The following COLGALT2 variants were observed in gnomAD, a reference collection of about 807,000 sequenced individuals.
COLGALT2 encodes collagen beta(1-O)galactosyltransferase 2, also known as procollagen galactosyltransferase 2.
Under a neutral mutation model 73.4 loss-of-function variants are expected in COLGALT2, and 49 were observed. The observed-to-expected ratio is 0.67, with a 90% CI of 0.53 to 0.85. The LOEUF is 0.85. Among genes scored for constraint, COLGALT2 ranks in the 40% least tolerant of loss-of-function variants. The pLI, the probability that COLGALT2 is intolerant of heterozygous loss-of-function variation, is 0.00. For missense variants in COLGALT2, 722 were observed against 790.2 expected, an observed-to-expected ratio of 0.91 and a Z score of 1.03; for synonymous variants, 295 against 307.6, an observed-to-expected ratio of 0.96 and a Z score of 0.43.
chr1:184,024,360 C>CT (rs58405733), intron 1 of COLGALT2, among the ~76,000 whole-genome samples: 2,975 of 143,890 alleles, frequency 0.021, 64 homozygotes, highest in Admixed American at 0.051. Context: ...TTTTCTTTTT[C>CT]TTTTTTTTTT....
intron 1 of COLGALT2, among the ~76,000 whole-genome samples, chr1:184,024,913 A>G (rs1649287765): frequency 6.6e-6 from 1 of 152,206 alleles, no homozygotes; most frequent in Non-Finnish European, 1.5e-5. Flanking sequence ...CAAGAAGATT[A>G]TCAGTAGCAA....
chr1:183,971,878 A>G (rs942257968), intron 4 of COLGALT2, among the ~76,000 whole-genome samples: 1 of 152,218 alleles, frequency 6.6e-6, no homozygotes, highest in African/African-American at 2.4e-5. Context: ...TCAAGTGGCT[A>G]TACTGCAGTT....
chr1:183,973,167 C>T (rs1391099527), intron 4 of COLGALT2, among the ~76,000 whole-genome samples: 1 of 152,126 alleles, frequency 6.6e-6, no homozygotes, highest in Non-Finnish European at 1.5e-5. Flanking sequence ...TGGAACATAG[C>T]CACTTGATGA....
In COLGALT2 at chr1:183,937,725, C is replaced by T. The variant is rs1308811770; in HGVS notation, c.*1036G>A. The T allele has an allele frequency of 1.0e-6, 1 of 985,326 alleles. No individual in the cohort carries two copies. The highest frequency in any genetic ancestry group is 1.2e-6 in the Non-Finnish European group (1 of 829,946). 61.0% of individuals were successfully genotyped at this position (985,326 alleles called of 1,614,324 possible). A position where few individuals can be genotyped will look rare whatever the true frequency, so the allele number is the denominator to read the frequency against. ...AAGTCTGCAACATCTGTTTCTCTGC[C>T]TTATCCTAAAGACAATATCTTCGCC... On this transcript the variant is annotated 3_prime_UTR_variant, in exon 12 of 12. Coordinates refer to ENST00000361927, the MANE Select transcript of COLGALT2 (RefSeq NM_015101.4).
Position 183,994,412 on chromosome 1 carries a change from C to T in COLGALT2, c.264-15892G>A, listed in dbSNP as rs576914486. Among the ~76,000 whole-genome samples the T allele has an allele frequency of 1.8e-3, 280 of 151,798 alleles. 1 individual carries two copies. Among genetic ancestry groups the T allele is most frequent in the African/African-American group, 6.2e-3 (257 of 41,398 alleles). On this transcript the variant is annotated intron_variant, in intron 1 of 11. Transcript: ENST00000361927. ...TATGGATGAGAAAATAGTTACAAAG[C>T]TAGTAAGTAATGGATCCACGATTCA...
chr1:183,933,044 TTTCAC>T (rs1180897590), downstream of COLGALT2, among the ~76,000 whole-genome samples: 2 of 152,168 alleles, frequency 1.3e-5, no homozygotes, highest in African/African-American at 4.8e-5. Context: ...GCACTGGACA[TTTCAC>T]TTGTTCCTGT....
intron 7 of COLGALT2, 100 bp from the exon 8 acceptor site, chr1:183,951,213 G>A: frequency 1.3e-6 from 1 of 768,438 alleles, no homozygotes; most frequent in Non-Finnish European, 2.3e-6. Context: ...AAGAAGGAGT[G>A]GAAAAGATAG....
At chr1:183,970,240 C>T (rs1448506583) in intron 4 of COLGALT2, among the ~76,000 whole-genome samples, 3 of 152,194 alleles carry the variant, frequency 2.0e-5, no homozygotes, top group Non-Finnish European at 2.9e-5. Flanking sequence ...TATTCCAAAG[C>T]TTGAATCATT....
chr1:183,940,541 G>C (rs1670078314), intron 11 of COLGALT2, 40 bp downstream of exon 11: 3 of 1,549,690 alleles, frequency 1.9e-6, no homozygotes, highest in Non-Finnish European at 2.7e-6. Flanking sequence ...TCATGAAGAG[G>C]CTGTGCCCAA....
chr1:183,932,268 A>G (rs1669863737), downstream of COLGALT2, among the ~76,000 whole-genome samples: 1 of 152,202 alleles, frequency 6.6e-6, no homozygotes, highest in South Asian at 2.1e-4. Flanking sequence ...ACCTTAGGCA[A>G]GTTGCTTCCC....
intron 1 of COLGALT2, among the ~76,000 whole-genome samples, chr1:184,004,360 G>T (rs1429878600): frequency 1.3e-5 from 2 of 152,106 alleles, no homozygotes; most frequent in Non-Finnish European, 2.9e-5. Context: ...GAAGTTAATA[G>T]AAAAAGTAGG....
chr1:183,951,172 G>T, intron 7 of COLGALT2, 59 bp from the exon 8 acceptor site: 1 of 1,220,778 alleles, frequency 8.2e-7, no homozygotes, highest in Non-Finnish European at 1.2e-6. Flanking sequence ...CTTTTAGGCT[G>T]TTTGAAAAGT....
At chr1:183,996,150 A>C (rs1259317893) in intron 1 of COLGALT2, among the ~76,000 whole-genome samples, 1 of 152,188 alleles carries the variant, frequency 6.6e-6, no homozygotes, top group East Asian at 1.9e-4. Flanking sequence ...TAGGAAATAA[A>C]CAGCTCTGCA....
intron 1 of COLGALT2, among the ~76,000 whole-genome samples, chr1:184,035,990 C>G (rs902329710): frequency 2.0e-5 from 3 of 152,230 alleles, no homozygotes; most frequent in Non-Finnish European, 2.9e-5. Flanking sequence ...GCTGCTTTTA[C>G]TCCTCTTCCT....
At position 183,937,897 on chromosome 1, in the gene COLGALT2, C is replaced by A. The variant is rs1384591838; in HGVS notation, c.*864G>T. On this transcript the variant is annotated 3_prime_UTR_variant, in exon 12 of 12. Coordinates refer to ENST00000361927, the MANE Select transcript of COLGALT2 (RefSeq NM_015101.4). ...CCAGGCTAAGGGGTGGAGCGGAGAG[C>A]GTGAAGCTCTGTAGCAGCGCGCAAA... The A allele has an allele frequency of 1.0e-6, 1 of 985,288 alleles. No homozygotes were observed. The highest frequency in any genetic ancestry group is 1.7e-5 in the African/African-American group (1 of 57,224). The allele number at this position is 985,288 out of a possible 1,614,324, so 61.0% of individuals were successfully genotyped here. A position where few individuals can be genotyped will look rare whatever the true frequency, so the allele number is the denominator to read the frequency against.
rs924578152 is a variant in COLGALT2, at chr1:183,937,858, C to G, written c.*903G>C. ...TTAGCAGTGACTCACAGAACTCACA[C>G]CTGCGGTGGGTTCCCAGGCTAAGGG... On this transcript the variant is annotated 3_prime_UTR_variant, in exon 12 of 12. Transcript: ENST00000361927. The G allele has an allele frequency of 5.6e-5, 55 of 985,352 alleles. No homozygotes were observed. Among genetic ancestry groups the G allele is most frequent in the Non-Finnish European group, 5.3e-5 (44 of 829,954 alleles). 61.0% of individuals were successfully genotyped at this position (985,352 alleles called of 1,614,324 possible).
chr1:184,022,660 T>C (rs1479087325), intron 1 of COLGALT2, among the ~76,000 whole-genome samples: 3 of 152,226 alleles, frequency 2.0e-5, no homozygotes, highest in African/African-American at 7.2e-5. Context: ...TGTTATCTAA[T>C]ACTTGACAAC....
At chr1:184,004,024 A>G (rs1672001209) in intron 1 of COLGALT2, among the ~76,000 whole-genome samples, 1 of 152,226 alleles carries the variant, frequency 6.6e-6, no homozygotes, top group Non-Finnish European at 1.5e-5. Context: ...TTTTCACAAC[A>G]AATTATTAAT....
intron 1 of COLGALT2, among the ~76,000 whole-genome samples, chr1:183,988,813 TTTG>T (rs1671556703): frequency 6.6e-6 from 1 of 152,220 alleles, no homozygotes; most frequent in African/African-American, 2.4e-5. Flanking sequence ...TGTACAGGTT[TTTG>T]TGTGAACATA....
Sources: allele counts gnomAD v4.1 joint callset (sites outside exome capture counted in the v4.1 genomes callset), GRCh38; gene constraint gnomAD v4.1.1; transcripts MANE v1.5; gene names NCBI Gene and HGNC (gene_info 2026-07-23, HGNC 2026-07-21).